The following PCDH15 variants were observed in gnomAD, a reference collection of about 807,000 sequenced individuals.
PCDH15 encodes protocadherin related 15.
A neutral mutation model predicts 178.5 loss-of-function variants in PCDH15; 129 were observed. That is an observed-to-expected ratio of 0.72 (90% CI 0.63 to 0.84). The LOEUF is 0.84. PCDH15 is among the 40% of genes least tolerant of loss of function. PCDH15 has a pLI of 0.00. For synonymous variants in PCDH15, 800 were observed against 732.0 expected, an observed-to-expected ratio of 1.09 and a Z score of -1.50; for missense variants, 2,230 against 2,099.9, an observed-to-expected ratio of 1.06 and a Z score of -1.21.
At chr10:54,799,861 CAAAA>C (rs1043591456) in intron 1 of PCDH15, among the ~76,000 whole-genome samples, 6 of 150,888 alleles carry the variant, frequency 4.0e-5, no homozygotes, top group African/African-American at 1.5e-4. Flanking sequence ...GAAAAGAAAA[CAAAA>C]AAACAGTTCA....
chr10:54,679,014 C>T (rs1591004419), intron 1 of PCDH15, among the ~76,000 whole-genome samples: 1 of 151,402 alleles, frequency 6.6e-6, no homozygotes, highest in African/African-American at 2.4e-5. Flanking sequence ...CACGGTGAAA[C>T]CCCGTTTCTA....
intron 1 of PCDH15, among the ~76,000 whole-genome samples, chr10:55,267,327 T>C (rs181952780): frequency 6.6e-6 from 1 of 152,322 alleles, no homozygotes; most frequent in East Asian, 1.9e-4. Flanking sequence ...AGATGTGTCA[T>C]TGAAGCATTT....
At chr10:54,729,334 A>G (rs1393697655) in intron 1 of PCDH15, among the ~76,000 whole-genome samples, 1 of 151,694 alleles carries the variant, frequency 6.6e-6, no homozygotes, top group Non-Finnish European at 1.5e-5. Flanking sequence ...CTCCCTATTC[A>G]ATAAATGAAG....
chr10:55,100,756 C>A (rs1034255648), intron 2 of PCDH15, among the ~76,000 whole-genome samples: 4 of 152,090 alleles, frequency 2.6e-5, no homozygotes, highest in African/African-American at 9.7e-5. Context: ...CTCCATGACC[C>A]AAACACCTGT....
chr10:55,231,536 T>C (rs1841223893), intron 1 of PCDH15, among the ~76,000 whole-genome samples: 1 of 152,062 alleles, frequency 6.6e-6, no homozygotes, highest in African/African-American at 2.4e-5. Context: ...AAAACAAAAT[T>C]GGCAATCTAT....
intron 2 of PCDH15, among the ~76,000 whole-genome samples, chr10:55,446,298 G>T (rs925926526): frequency 1.5e-5 from 2 of 135,244 alleles, no homozygotes; most frequent in Non-Finnish European, 3.1e-5. Context: ...AATATATAGA[G>T]AGATAGATAT....
chr10:53,974,422 C>T (rs911383001), intron 21 of PCDH15, among the ~76,000 whole-genome samples: 1 of 151,822 alleles, frequency 6.6e-6, no homozygotes, highest in Non-Finnish European at 1.5e-5. Context: ...TAATAATATA[C>T]TTATTTATAT....
chr10:54,325,520 G>A (rs1444409045), intron 7 of PCDH15, among the ~76,000 whole-genome samples: 3 of 151,974 alleles, frequency 2.0e-5, no homozygotes, highest in South Asian at 2.1e-4. Context: ...AGGCTGAGGT[G>A]AGTGAATTGC....
intron 25 of PCDH15, among the ~76,000 whole-genome samples, chr10:53,904,545 C>A (rs974932218): frequency 6.6e-6 from 1 of 150,630 alleles, no homozygotes; most frequent in Non-Finnish European, 1.5e-5. Flanking sequence ...TCCTATCCTG[C>A]TGCTACTCAT....
chr10:55,232,805 G>A (rs1841263344), intron 1 of PCDH15, among the ~76,000 whole-genome samples: 1 of 152,022 alleles, frequency 6.6e-6, no homozygotes. Flanking sequence ...TCAAGGAAAC[G>A]GATCCTGCCA....
chr10:55,467,072 T>C (rs892881245), intron 2 of PCDH15, among the ~76,000 whole-genome samples: 2 of 152,172 alleles, frequency 1.3e-5, no homozygotes, highest in Non-Finnish European at 2.9e-5. Flanking sequence ...TATCTGTCAT[T>C]CCCAGGGATT....
intron 2 of PCDH15, among the ~76,000 whole-genome samples, chr10:55,601,871 A>T (rs1224743406): frequency 6.6e-6 from 1 of 152,114 alleles, no homozygotes; most frequent in Admixed American, 6.6e-5. Flanking sequence ...AAATACACAC[A>T]CACGGGGGGA....
intron 2 of PCDH15, among the ~76,000 whole-genome samples, chr10:55,601,584 G>T (rs1843079555): frequency 6.6e-6 from 1 of 152,090 alleles, no homozygotes; most frequent in East Asian, 1.9e-4. Context: ...AATAATGGTT[G>T]CAAGATAGAG....
intron 2 of PCDH15, among the ~76,000 whole-genome samples, chr10:55,367,928 C>T (rs1330839560): frequency 6.6e-6 from 1 of 152,094 alleles, no homozygotes; most frequent in Non-Finnish European, 1.5e-5. Context: ...CTTCCAAATA[C>T]AGGATTTCTC....
In PCDH15 at chr10:54,421,690, A is replaced by ATATATATG. The variant is rs1301759947; in HGVS notation, c.158-42749_158-42748insCATATATA. 1.3e-3 allele frequency among the ~76,000 whole-genome samples: 149 copies of ATATATATG among 110,938 alleles called. 4 individuals are homozygous for ATATATATG. The highest frequency in any genetic ancestry group is 7.9e-3 in the South Asian group (27 of 3,420). The allele number at this position is 110,938 out of a possible 152,430, so 72.8% of individuals were successfully genotyped here. A position where few individuals can be genotyped will look rare whatever the true frequency, so the allele number is the denominator to read the frequency against. On this transcript the variant is annotated intron_variant, in intron 3 of 37. Coordinates refer to ENST00000644397, the MANE Select transcript of PCDH15 (RefSeq NM_001384140.1). ...TATATACATATATATATATATATAT[A>ATATATATG]TATACACACACACACACACACTATA...
chr10:55,158,060 A>ATGTGTGTGTGTGTG lies in PCDH15; in HGVS notation c.-80+8515_-80+8516insCACACACACACACA, dbSNP rs769091362. On this transcript the variant is annotated intron_variant, in intron 2 of 5. Transcript: ENST00000458638. ...ACAATTTAGATTCAAAATCACACAA[A>ATGTGTGTGTGTGTG]TATGTGTGTATGTGTGTGTATATAT... is the stretch of plus-strand genomic sequence containing the variant. Among the ~76,000 whole-genome samples the ATGTGTGTGTGTGTG allele has an allele frequency of 6.6e-3, 875 of 132,416 alleles. 8 individuals are homozygous for ATGTGTGTGTGTGTG. The highest frequency in any genetic ancestry group is 8.7e-3 in the Admixed American group (116 of 13,376). The allele number at this position is 132,416 out of a possible 152,430, so 86.9% of individuals were successfully genotyped here. A position where few individuals can be genotyped will look rare whatever the true frequency, so the allele number is the denominator to read the frequency against.
intron 2 of PCDH15, among the ~76,000 whole-genome samples, chr10:55,110,317 T>C (rs188584974): frequency 6.6e-6 from 1 of 152,150 alleles, no homozygotes; most frequent in East Asian, 1.9e-4. Flanking sequence ...ATTGGAACAG[T>C]GTCTGGTACA....
chr10:55,359,590 T>G (rs1473982880), intron 2 of PCDH15, among the ~76,000 whole-genome samples: 1 of 151,494 alleles, frequency 6.6e-6, no homozygotes, highest in Admixed American at 6.6e-5. Flanking sequence ...GGGAATAAAT[T>G]TAAAGGAAAT....
chr10:55,342,843 T>G (rs1173433016), intron 2 of PCDH15, among the ~76,000 whole-genome samples: 2 of 152,172 alleles, frequency 1.3e-5, no homozygotes, highest in African/African-American at 4.8e-5. Context: ...TATTTTGTTT[T>G]ATAAGCATCA....
Sources: allele counts gnomAD v4.1 joint callset (sites outside exome capture counted in the v4.1 genomes callset), GRCh38; gene constraint gnomAD v4.1.1; transcripts MANE v1.5; gene names NCBI Gene and HGNC (gene_info 2026-07-23, HGNC 2026-07-21).